AMOTL1: variants seen among roughly 807,000 people sequenced by gnomAD.
AMOTL1 encodes angiomotin like 1.
AMOTL1 carries 45 observed loss-of-function variants against 102.9 expected under a neutral mutation model. The ratio of observed to expected loss-of-function variants is 0.44; its 90% CI spans 0.34 to 0.56. The LOEUF is 0.56. Ranked by LOEUF, AMOTL1 falls within the 20% of genes least tolerant of loss-of-function variation. The pLI is 0.01. For missense variants in AMOTL1, 1,114 were observed against 1,225.6 expected (o/e 0.91, Z 1.36); for synonymous variants, 481 against 484.7 (o/e 0.99, Z 0.10).
rs751335170 is a variant in AMOTL1, at chr11:94,876,240, T to C, written c.*5445T>C. 4 of 152,598 alleles carry C rather than the reference T, an allele frequency of 2.6e-5. No homozygotes were observed. Among genetic ancestry groups the C allele is most frequent in the Non-Finnish European group, 4.4e-5 (3 of 68,028 alleles). The allele number at this position is 152,598 out of a possible 1,614,324, so 9.5% of individuals were successfully genotyped here. On this transcript the variant is annotated 3_prime_UTR_variant, in exon 13 of 13. Coordinates refer to ENST00000433060, the MANE Select transcript of AMOTL1 (RefSeq NM_130847.3). ...AAGGTGTTTTTTTGTTTTTTGTTTTTTTTCCTTTTGAGGAGGAACAGGGAG... is the reference window on the plus strand; with the variant it reads ...AAGGTGTTTTTTTGTTTTTTGTTTTCTTTCCTTTTGAGGAGGAACAGGGAG...
intron 3 of AMOTL1, among the ~76,000 whole-genome samples, chr11:94,745,457 C>T (rs967532443): frequency 4.6e-5 from 7 of 152,180 alleles, no homozygotes; most frequent in Admixed American, 1.3e-4. Flanking sequence ...AAAAAAGATG[C>T]TCCTATCACC....
At chr11:94,737,084 A>G (rs1950448869) in intron 2 of AMOTL1, among the ~76,000 whole-genome samples, 1 of 152,274 alleles carries the variant, frequency 6.6e-6, no homozygotes. Context: ...AGGAAATTCA[A>G]ATAACTAAAA....
At chr11:94,762,333 C>T (rs1278051539) in intron 3 of AMOTL1, among the ~76,000 whole-genome samples, 1 of 152,216 alleles carries the variant, frequency 6.6e-6, no homozygotes, top group Non-Finnish European at 1.5e-5. Context: ...CAGTGGTTCT[C>T]AATCAGAGGC....
At position 94,830,091 on chromosome 11, in the gene AMOTL1, T is replaced by A. The variant is rs1227363914; in HGVS notation, c.1455T>A (p.Ser485Arg). The A allele has an allele frequency of 3.1e-6, 5 of 1,608,436 alleles. No individual in the cohort carries two copies. In the African/African-American group the frequency reaches 6.7e-5, roughly 22 times the overall value. ...AGAGAATTTCGGAAGCCTATGAAAG[T>A]CTGGTCAAGTCTACCACCAAGCGAG... is the stretch of plus-strand genomic sequence containing the variant. Reference protein sequence around the residue: ...ELQRISEAYESLVKSTTKRES... With the variant: ...ELQRISEAYERLVKSTTKRES... The change falls in exon 5 of 13, where the codon AGT (serine) becomes AGA (arginine). Residue 485 changes from serine to arginine, a missense_variant. Ser to Arg is a moderately radical substitution (Grantham distance 110). Coordinates refer to ENST00000433060, the MANE Select transcript of AMOTL1 (RefSeq NM_130847.3).
At chr11:94,817,355 T>C (rs1409970074) in intron 3 of AMOTL1, among the ~76,000 whole-genome samples, 1 of 152,212 alleles carries the variant, frequency 6.6e-6, no homozygotes, top group African/African-American at 2.4e-5. Flanking sequence ...AATTTTAACT[T>C]CAGTCCTCAT....
chr11:94,842,154 A>G (rs550560755), intron 6 of AMOTL1, among the ~76,000 whole-genome samples: 36 of 152,360 alleles, frequency 2.4e-4, no homozygotes, highest in Non-Finnish European at 8.8e-5. Context: ...GAATTTGATT[A>G]TATACCAATA....
intron 2 of AMOTL1, among the ~76,000 whole-genome samples, chr11:94,796,663 G>A (rs537077845): frequency 6.6e-6 from 1 of 152,248 alleles, no homozygotes; most frequent in South Asian, 2.1e-4. Flanking sequence ...GTTGTGATTT[G>A]TAACTGTTAT....
chr11:94,869,865 G>C (rs139800887), intron 12 of AMOTL1, among the ~76,000 whole-genome samples: 57 of 152,264 alleles, frequency 3.7e-4, no homozygotes, highest in African/African-American at 1.0e-3. Flanking sequence ...AACTTACCAG[G>C]GATTCTGGCC....
chr11:94,764,569 T>A (rs1950833048), upstream of AMOTL1, among the ~76,000 whole-genome samples: 1 of 152,222 alleles, frequency 6.6e-6, no homozygotes. Context: ...CAGGTGAGGC[T>A]GTGTGTAGTA....
intron 9 of AMOTL1, among the ~76,000 whole-genome samples, chr11:94,862,829 A>G (rs1186748131): frequency 6.6e-6 from 1 of 152,226 alleles, no homozygotes; most frequent in Non-Finnish European, 1.5e-5. Flanking sequence ...TAATTTTGCA[A>G]ATATGTTTAA....
At chr11:94,828,461 A>T (rs527565342) in intron 4 of AMOTL1, among the ~76,000 whole-genome samples, 1 of 151,998 alleles carries the variant, frequency 6.6e-6, no homozygotes, top group South Asian at 2.1e-4. Context: ...CAGAGTTATA[A>T]TCTTCCTTCC....
chr11:94,785,990 A>G (rs1320634795), intron 1 of AMOTL1, among the ~76,000 whole-genome samples: 1 of 152,140 alleles, frequency 6.6e-6, no homozygotes, highest in African/African-American at 2.4e-5. Flanking sequence ...AAAGAATACT[A>G]CTGTGGTCCT....
chr11:94,834,982 G>A (rs1272021201), intron 6 of AMOTL1, among the ~76,000 whole-genome samples: 4 of 152,178 alleles, frequency 2.6e-5, no homozygotes, highest in African/African-American at 9.6e-5. Context: ...GACTGAAGTG[G>A]ACATGAAACA....
At chr11:94,812,723 G>T (rs1274668968) in intron 3 of AMOTL1, among the ~76,000 whole-genome samples, 32 of 152,060 alleles carry the variant, frequency 2.1e-4, no homozygotes, top group Admixed American at 2.1e-3. Context: ...CTTTGGCTTA[G>T]TGATTTTGGG....
chr11:94,736,632 C>T (rs924297646), intron 2 of AMOTL1, among the ~76,000 whole-genome samples: 11 of 152,190 alleles, frequency 7.2e-5, no homozygotes, highest in African/African-American at 1.7e-4. Context: ...TTTCGCTGCT[C>T]CTAACAATCC....
chr11:94,872,110 G>C lies in AMOTL1; in HGVS notation c.*1315G>C, dbSNP rs1393145973. On this transcript the variant is annotated 3_prime_UTR_variant, in exon 13 of 13. Transcript: ENST00000433060. The stretch of plus-strand genomic sequence containing the variant: ...TGTTGTCAGGTTTTTCCGGGTTTCA[G>C]TTTTGAGGCAGTTTATTCAAAGTGA... The C allele has an allele frequency of 3.9e-5, 6 of 152,130 alleles. No homozygotes were observed. The highest frequency in any genetic ancestry group is 5.9e-5 in the Non-Finnish European group (4 of 68,048). The allele number at this position is 152,130 out of a possible 1,614,324, so 9.4% of individuals were successfully genotyped here.
intron 1 of AMOTL1, among the ~76,000 whole-genome samples, chr11:94,783,353 A>G (rs776906224): frequency 4.6e-5 from 7 of 152,212 alleles, no homozygotes; most frequent in Non-Finnish European, 7.3e-5. Flanking sequence ...ATTTGCCTGT[A>G]GTTGATTTGT....
intron 1 of AMOTL1, among the ~76,000 whole-genome samples, chr11:94,708,412 A>G (rs1205461495): frequency 6.6e-6 from 1 of 152,182 alleles, no homozygotes; most frequent in Non-Finnish European, 1.5e-5. Context: ...CCTTGGAACC[A>G]TGTGGGTCTT....
Position 94,799,731 on chromosome 11 carries a change from C to A in AMOTL1, c.541C>A (p.Pro181Thr). The change falls in exon 3 of 13, where the codon CCT becomes ACT. Residue 181 changes from proline (P) to threonine (T), a missense_variant. Pro to Thr is a conservative substitution (Grantham distance 38, BLOSUM62 -1). Coordinates refer to ENST00000433060, the MANE Select transcript of AMOTL1 (RefSeq NM_130847.3). This position sits in a 1 kb window ranked among gnomAD's most constrained non-coding sequence, Gnocchi z 4.5. The stretch of plus-strand genomic sequence containing the variant: ...GGAGAAACAGGTCCGGTCCACGCAG[C>A]CTCAGCAGAACAACGAGGAACTGCC... ...VMEKQVRSTQ[P>T]QQNNEELPTY... 1 of 1,613,132 alleles carries A rather than the reference C, an allele frequency of 6.2e-7. No homozygotes were observed. Among genetic ancestry groups the A allele is most frequent in the Non-Finnish European group, 8.5e-7 (1 of 1,179,440 alleles).
Sources: allele counts gnomAD v4.1 joint callset (sites outside exome capture counted in the v4.1 genomes callset), GRCh38; gene constraint gnomAD v4.1.1; non-coding constraint Gnocchi (gnomAD v3.1); transcripts MANE v1.5; gene names NCBI Gene and HGNC (gene_info 2026-07-23, HGNC 2026-07-21).